The following CNR2 variants were observed in gnomAD, a reference collection of about 807,000 sequenced individuals.
CNR2 encodes the protein cannabinoid receptor 2 (macrophage).
For synonymous variants in CNR2, 172 were observed against 182.2 expected (o/e 0.94, Z 0.45); for missense variants, 379 against 439.9 (o/e 0.86, Z 1.24).
intron 1 of CNR2, among the ~76,000 whole-genome samples, chr1:23,908,644 C>A (rs1317607886): frequency 6.6e-6 from 1 of 152,074 alleles, no homozygotes; most frequent in Admixed American, 6.5e-5. Flanking sequence ...GTGTCTCAGC[C>A]TTAGTGGCTT....
chr1:23,886,154 A>G (rs1640085645), intron 1 of CNR2, among the ~76,000 whole-genome samples: 1 of 145,890 alleles, frequency 6.9e-6, no homozygotes, highest in Non-Finnish European at 1.5e-5. Flanking sequence ...GCACCACTGC[A>G]CTCCAGCCTG....
chr1:23,875,418 T>C lies in CNR2; in HGVS notation c.200A>G (p.Lys67Arg). The change falls in exon 2 of 2, where the codon AAG (lysine) becomes AGG (arginine). Residue 67 changes from lysine (K) to arginine (R), a missense_variant. Physicochemically the swap from Lys to Arg is conservative, Grantham distance 26. Coordinates refer to ENST00000374472, the MANE Select transcript of CNR2 (RefSeq NM_001841.3). ...GCTGCCAATGAACAGGTATGAGGGC[T>C]TCCGGCGGAGTTGGTGGGAGGACAG... is the stretch of plus-strand genomic sequence containing the variant. The part of the protein sequence containing the change: ...LILSSHQLRR[K>R]PSYLFIGSLA... The C allele has an allele frequency of 6.2e-7, 1 of 1,614,238 alleles. No individual in the cohort carries two copies. The highest frequency in any genetic ancestry group is 1.1e-5 in the South Asian group (1 of 91,092).
intron 1 of CNR2, among the ~76,000 whole-genome samples, chr1:23,908,343 A>G (rs562423755): frequency 3.7e-4 from 56 of 152,262 alleles, no homozygotes; most frequent in Non-Finnish European, 7.2e-4. Context: ...CACCCAGGCT[A>G]GAGTGCAGTA....
At chr1:23,877,439 T>C (rs1161661397) in intron 1 of CNR2, among the ~76,000 whole-genome samples, 1 of 150,834 alleles carries the variant, frequency 6.6e-6, no homozygotes, top group East Asian at 2.0e-4. Context: ...ATTGAGACCA[T>C]CCTGGCTAAC....
rs747416117 is a variant in CNR2 at position 23,875,132 on chromosome 1, T to C, written c.486A>G (p.Ala162=). Residue 162 remains alanine, a synonymous_variant, in exon 2 of 2, where the codon GCA becomes GCG. Coordinates refer to ENST00000374472, the MANE Select transcript of CNR2 (RefSeq NM_001841.3). ...VTLGIMWVLS[A]LVSYLPLMGW... ...CCATGAGGGGCAGGTAGGAGACTAG[T>C]GCTGAGAGGACCCACATGATGCCCA... 3.1e-6 allele frequency: 5 copies of C among 1,610,882 alleles called. No homozygotes were observed. The highest frequency in any genetic ancestry group is 4.2e-6 in the Non-Finnish European group (5 of 1,178,356).
chr1:23,874,279 T>C lies in CNR2; in HGVS notation c.*256A>G, dbSNP rs1414267902. 1.5e-5 allele frequency: 7 copies of C among 454,470 alleles called. No homozygotes were observed. Among genetic ancestry groups the C allele is most frequent in the Non-Finnish European group, 2.8e-5 (7 of 248,494 alleles). 28.2% of individuals were successfully genotyped at this position (454,470 alleles called of 1,614,324 possible). A position where few individuals can be genotyped will look rare whatever the true frequency, so the allele number is the denominator to read the frequency against. ...GCATGAAGCCTGACCTGACTTGTAC[T>C]GACCCTGTCCCAGGCCTTTTGTGTC... On this transcript the variant is annotated 3_prime_UTR_variant, in exon 2 of 2. Transcript: ENST00000374472.
intron 1 of CNR2, among the ~76,000 whole-genome samples, chr1:23,879,565 A>G (rs1399409921): frequency 6.6e-6 from 1 of 152,212 alleles, no homozygotes; most frequent in Admixed American, 6.5e-5. Flanking sequence ...GTGATCTATG[A>G]TTGTGCCACC....
At position 23,870,635 on chromosome 1, in the gene CNR2, C is replaced by T. The variant is rs1456862238; in HGVS notation, c.*3900G>A. 1.3e-5 allele frequency: 2 copies of T among 152,124 alleles called. No individual in the cohort carries two copies. The highest frequency in any genetic ancestry group is 2.9e-5 in the Non-Finnish European group (2 of 68,034). 9.4% of individuals were successfully genotyped at this position (152,124 alleles called of 1,614,324 possible). ...CTTATCCACATAACCAAAATGTGAA[C>T]CTGCAGGGACAGGTGAGAGGCACTG... On this transcript the variant is annotated 3_prime_UTR_variant, in exon 2 of 2. Transcript: ENST00000374472.
chr1:23,878,522 G>A (rs1215068262), intron 1 of CNR2, among the ~76,000 whole-genome samples: 1 of 151,804 alleles, frequency 6.6e-6, no homozygotes, highest in Non-Finnish European at 1.5e-5. Flanking sequence ...TGAGACTACA[G>A]GTGTGCACCA....
intron 1 of CNR2, among the ~76,000 whole-genome samples, chr1:23,894,899 A>G (rs1020815755): frequency 1.3e-5 from 2 of 152,060 alleles, no homozygotes; most frequent in Non-Finnish European, 1.5e-5. Flanking sequence ...CCAAACAAAT[A>G]CTTGGTAAAT....
intron 1 of CNR2, among the ~76,000 whole-genome samples, chr1:23,893,917 G>A (rs2501402): frequency 0.82 from 124,109 of 151,742 alleles, 50,845 homozygotes; most frequent in Admixed American, 0.84. Flanking sequence ...TGAGCCCAGG[G>A]CTTAGAGACC....
intron 1 of CNR2, among the ~76,000 whole-genome samples, chr1:23,900,931 G>T (rs1557533244): frequency 1.3e-5 from 2 of 152,076 alleles, no homozygotes; most frequent in South Asian, 4.1e-4. Context: ...TTGAGTAATA[G>T]GACACTAGAA....
chr1:23,908,352 T>C (rs1376028510), intron 1 of CNR2, among the ~76,000 whole-genome samples: 1 of 152,162 alleles, frequency 6.6e-6, no homozygotes, highest in Non-Finnish European at 1.5e-5. Context: ...TAGAGTGCAG[T>C]AGCACAATCT....
intron 1 of CNR2, among the ~76,000 whole-genome samples, chr1:23,878,301 G>C (rs751351076): frequency 6.6e-6 from 1 of 151,468 alleles, no homozygotes; most frequent in Non-Finnish European, 1.5e-5. Flanking sequence ...GGAGGCCAAG[G>C]CTTCAGTGAG....
At chr1:23,903,343 G>A (rs1570721417) in intron 1 of CNR2, among the ~76,000 whole-genome samples, 1 of 152,196 alleles carries the variant, frequency 6.6e-6, no homozygotes, top group Non-Finnish European at 1.5e-5. Context: ...GGGAGGCTGA[G>A]GTGGGAGGAG....
chr1:23,889,102 G>A (rs6682096), intron 1 of CNR2, among the ~76,000 whole-genome samples: 128,610 of 152,038 alleles, frequency 0.85, 54,504 homozygotes, highest in Admixed American at 0.86. Flanking sequence ...GTCCATGGTG[G>A]GGCTGGTGTT....
chr1:23,899,020 T>A (rs2501405), intron 1 of CNR2, among the ~76,000 whole-genome samples: 3,180 of 152,182 alleles, frequency 0.021, 48 homozygotes, highest in Non-Finnish European at 0.033. Flanking sequence ...TGTATATATT[T>A]ATGGAATACA....
At chr1:23,875,859 G>A (rs902440303) in intron 1 of CNR2, among the ~76,000 whole-genome samples, 197 bp from the exon 2 acceptor site, 2 of 151,948 alleles carry the variant, frequency 1.3e-5, no homozygotes, top group African/African-American at 4.8e-5. Context: ...CTGCCTCAGG[G>A]GAGGTACGTG....
chr1:23,887,814 A>C (rs1640116136), intron 1 of CNR2, among the ~76,000 whole-genome samples: 1 of 43,282 alleles, frequency 2.3e-5, no homozygotes, highest in Non-Finnish European at 5.2e-5. Context: ...TATATTAACC[A>C]AGGCTAAAAA....
Sources: gnomAD v4.1 joint callset for allele counts (sites outside exome capture counted in the v4.1 genomes callset) on GRCh38, gnomAD v4.1.1 for gene constraint, MANE v1.5 for transcripts, NCBI Gene and HGNC (gene_info 2026-07-23, HGNC 2026-07-21) for gene names.